SPRED2: variants seen among roughly 807,000 people sequenced by gnomAD.
SPRED2 encodes sprouty related EVH1 domain containing 2, also known as sprouty-related, EVH1 domain-containing protein 2.
SPRED2 carries 47 observed loss-of-function variants against 43.0 expected under a neutral mutation model. That is an observed-to-expected ratio of 1.09 (90% CI 0.87 to 1.40). The LOEUF is 1.40. Ranked by LOEUF, SPRED2 falls within the 40% of genes most tolerant of loss-of-function variation. SPRED2 has a pLI of 0.00. For synonymous variants in SPRED2, 225 were observed against 225.7 expected, an observed-to-expected ratio of 1.00 and a Z score of 0.03; for missense variants, 561 against 586.4, an observed-to-expected ratio of 0.96 and a Z score of 0.45.
chr2:65,401,926 A>AGCGCGCGCGCGC (rs143714447), intron 1 of SPRED2, among the ~76,000 whole-genome samples: 17 of 121,924 alleles, frequency 1.4e-4, no homozygotes, highest in African/African-American at 6.7e-4. Flanking sequence ...TCAGAATATT[A>AGCGCGCGCGCGC]GCGCGCGCGC....
chr2:65,316,971 T>G, intron 4 of SPRED2, 88 bp from the exon 5 acceptor site: 1 of 1,370,704 alleles, frequency 7.3e-7, no homozygotes, highest in Non-Finnish European at 1.0e-6. Flanking sequence ...ATTCAAATAC[T>G]AGCTATTCCC....
chr2:65,421,001 G>A (rs1239353028), intron 1 of SPRED2, among the ~76,000 whole-genome samples: 1 of 152,048 alleles, frequency 6.6e-6, no homozygotes, highest in Non-Finnish European at 1.5e-5. Context: ...AGGGCTGAGC[G>A]CCCAAGCTTC....
chr2:65,369,481 T>C (rs925302985), intron 1 of SPRED2, among the ~76,000 whole-genome samples: 4 of 152,254 alleles, frequency 2.6e-5, no homozygotes, highest in African/African-American at 7.2e-5. Flanking sequence ...CCTGATCTTT[T>C]ACTTTTACTC....
intron 1 of SPRED2, among the ~76,000 whole-genome samples, chr2:65,358,009 A>G (rs1674706284): frequency 1.4e-5 from 2 of 147,568 alleles, no homozygotes; most frequent in Admixed American, 1.3e-4. Flanking sequence ...AAAGTCCTGT[A>G]GTTGTGGCAG....
chr2:65,409,449 CT>C (rs775589808), intron 1 of SPRED2, among the ~76,000 whole-genome samples: 41 of 152,220 alleles, frequency 2.7e-4, no homozygotes, highest in Middle Eastern at 6.8e-3. Flanking sequence ...TTTAACACCC[CT>C]ATCAGAACAT....
intron 1 of SPRED2, among the ~76,000 whole-genome samples, chr2:65,351,143 G>C (rs1232304281): frequency 1.3e-5 from 2 of 152,136 alleles, no homozygotes; most frequent in Non-Finnish European, 2.9e-5. Context: ...GCCCTTTCCA[G>C]CTATCAGAGA....
At chr2:65,338,747 G>T in intron 2 of SPRED2, among the ~76,000 whole-genome samples, 1 of 151,386 alleles carries the variant, frequency 6.6e-6, no homozygotes, top group Non-Finnish European at 1.5e-5. Context: ...GAGCGTCTCT[G>T]CCTGGCTGCC....
intron 1 of SPRED2, 36 bp downstream of exon 1, chr2:65,431,925 GA>G: frequency 6.2e-7 from 1 of 1,611,810 alleles, no homozygotes. Context: ...CGCTGCCCCT[GA>G]GGGGCACCCT....
chr2:65,425,232 G>GA lies in SPRED2; in HGVS notation c.26+6729dup, dbSNP rs562316035. Among the ~76,000 whole-genome samples, 38 of 152,292 alleles carry GA rather than the reference G, an allele frequency of 2.5e-4. No individual in the cohort carries two copies. The South Asian group carries it at 7.7e-3, about 31-fold the overall frequency. ...TCAAAGAATAAAAACAACCAGATCT[G>GA]AAAAATCGTTATTTCAGGACACAGA... On this transcript the variant is annotated intron_variant, in intron 1 of 5. Transcript: ENST00000356388.
downstream of SPRED2, among the ~76,000 whole-genome samples, chr2:65,310,206 C>T (rs1382011706): frequency 2.6e-5 from 4 of 152,180 alleles, no homozygotes; most frequent in East Asian, 1.9e-4. Context: ...AAAACTGAAA[C>T]GTTAACACTA....
chr2:65,308,200 G>A, downstream of SPRED2: 1 of 651,294 alleles, frequency 1.5e-6, no homozygotes, highest in South Asian at 6.8e-5. Flanking sequence ...GGCCAGAGAA[G>A]CGGGGTGGGA....
chr2:65,315,541 G>A (rs1673207730), intron 5 of SPRED2, among the ~76,000 whole-genome samples: 1 of 152,176 alleles, frequency 6.6e-6, no homozygotes, highest in Admixed American at 6.5e-5. Context: ...TGAAAATCAT[G>A]ATTTCAGAAG....
intron 1 of SPRED2, among the ~76,000 whole-genome samples, chr2:65,400,907 TG>T (rs2103721833): frequency 6.6e-6 from 1 of 152,286 alleles, no homozygotes; most frequent in Non-Finnish European, 1.5e-5. Flanking sequence ...AAGATTTGGT[TG>T]GTATTTCTCT....
intron 4 of SPRED2, among the ~76,000 whole-genome samples, chr2:65,319,361 T>C (rs1673342639): frequency 6.6e-6 from 1 of 152,178 alleles, no homozygotes; most frequent in Non-Finnish European, 1.5e-5. Flanking sequence ...ATTTCTGTAA[T>C]CAAGATCTAA....
At chr2:65,392,307 C>T (rs959943162) in intron 1 of SPRED2, among the ~76,000 whole-genome samples, 2 of 151,450 alleles carry the variant, frequency 1.3e-5, no homozygotes, top group African/African-American at 4.9e-5. Context: ...GCCTCCCAAC[C>T]ACAGGTGACA....
chr2:65,340,091 C>T (rs1674135169), intron 2 of SPRED2, among the ~76,000 whole-genome samples: 1 of 152,286 alleles, frequency 6.6e-6, no homozygotes. Flanking sequence ...AAAAGTTATA[C>T]AGTTATTTGC....
intron 1 of SPRED2, among the ~76,000 whole-genome samples, chr2:65,352,362 C>T (rs1478938331): frequency 6.6e-6 from 1 of 151,830 alleles, no homozygotes; most frequent in Non-Finnish European, 1.5e-5. Flanking sequence ...GGCTTCTCCA[C>T]AGTTATTTAA....
intron 1 of SPRED2, among the ~76,000 whole-genome samples, chr2:65,398,510 A>G (rs1050399587): frequency 5.3e-5 from 8 of 151,720 alleles, no homozygotes; most frequent in East Asian, 3.9e-4. Context: ...TCCAGAATCT[A>G]TAAGAACTCA....
chr2:65,426,007 C>T (rs890141140), intron 1 of SPRED2, among the ~76,000 whole-genome samples: 5 of 152,196 alleles, frequency 3.3e-5, no homozygotes, highest in African/African-American at 7.2e-5. Context: ...TGGAGTTCAT[C>T]AGCACAGCTG....
Sources: allele counts gnomAD v4.1 joint callset (sites outside exome capture counted in the v4.1 genomes callset), GRCh38; gene constraint gnomAD v4.1.1; transcripts MANE v1.5; gene names NCBI Gene and HGNC (gene_info 2026-07-23, HGNC 2026-07-21).